The following GHRHR variants were observed in gnomAD, a reference collection of about 807,000 sequenced individuals.
GHRHR encodes growth hormone releasing hormone receptor.
In GHRHR, 40 loss-of-function variants were observed where a neutral mutation model predicts 58.3. That is an observed-to-expected ratio of 0.69 (90% CI 0.53 to 0.89). The LOEUF (loss-of-function observed/expected upper bound fraction) is 0.89, where lower values mean the gene tolerates loss of function less well. Ranked by LOEUF, GHRHR falls within the 40% of genes least tolerant of loss-of-function variation. The pLI is 0.00. For synonymous variants in GHRHR, 249 were observed against 216.6 expected, an observed-to-expected ratio of 1.15 and a Z score of -1.31; for missense variants, 551 against 541.3, an observed-to-expected ratio of 1.02 and a Z score of -0.18.
Position 30,976,437 on chromosome 7 carries a change from C to T in GHRHR, c.983C>T (p.Ser328Phe). 6.2e-7 allele frequency: 1 copy of T among 1,613,596 alleles called. No homozygotes were observed. Among genetic ancestry groups the T allele is most frequent in the Non-Finnish European group, 8.5e-7 (1 of 1,179,686 alleles). ...ATTTGTCTTTCCTGCAGGCGTCTCT[C>T]CAAGTCGACACTTTTCCTGATCCCA... The part of the protein sequence containing the change: ...LHTQSQYWRL[S>F]KSTLFLIPLF... Residue 328 changes from serine to phenylalanine, a missense_variant, in exon 11 of 13, where the codon TCC becomes TTC. Transcript: ENST00000326139.
chr7:30,976,917 C>T (rs566318327), intron 11 of GHRHR, among the ~76,000 whole-genome samples: 22 of 122,668 alleles, frequency 1.8e-4, no homozygotes, highest in Admixed American at 3.2e-4. Flanking sequence ...CCCATCTATA[C>T]ATCCATCCAC....
At chr7:30,977,353 A>T (rs372735433) in intron 12 of GHRHR, 31 bp downstream of exon 12, 2 of 1,603,414 alleles carry the variant, frequency 1.2e-6, no homozygotes, top group African/African-American at 2.7e-5. Context: ...TCCCTCATGG[A>T]GTCCCCCTCC....
At chr7:30,969,675 G>C in intron 3 of GHRHR, 192 bp from the exon 4 acceptor site, 1 of 656,052 alleles carries the variant, frequency 1.5e-6, no homozygotes, top group South Asian at 1.8e-5. Flanking sequence ...TGAAGCCAGA[G>C]AAGGAAGGCC....
At position 30,974,998 on chromosome 7, in the gene GHRHR, C is replaced by T; in HGVS notation, c.840C>T (p.Pro280=). The T allele has an allele frequency of 6.2e-7, 1 of 1,613,316 alleles. No homozygotes were observed. Among genetic ancestry groups the T allele is most frequent in the Non-Finnish European group, 8.5e-7 (1 of 1,179,256 alleles). ...IACWDLDDTS[P]YWWIIKGPIV... is the part of the protein sequence containing the mutation. ...GCTGGGACCTGGACGACACCTCCCC[C>T]TACTGGTGGATCATCAAAGGGCCCA... Residue 280 remains proline (P), a synonymous_variant, in exon 9 of 13, where the codon CCC becomes CCT. Coordinates refer to ENST00000326139, the MANE Select transcript of GHRHR (RefSeq NM_000823.4).
rs1792559326 is a variant in GHRHR, at chr7:30,975,531, G to A, written c.883-246G>A. Among the ~76,000 whole-genome samples, 2 of 152,174 alleles carry A rather than the reference G, an allele frequency of 1.3e-5. 1 individual carries two copies. Among genetic ancestry groups the A allele is most frequent in the South Asian group, 4.1e-4 (2 of 4,832 alleles). On this transcript the variant is annotated intron_variant, in intron 9 of 12. Transcript: ENST00000326139. Reference sequence around the variant, plus strand: ...GGAGGTGGCTGGAGGCAGGTGGCAAGGCCTGATCGCCCCCCTTGATCCCAG... The same window carrying A: ...GGAGGTGGCTGGAGGCAGGTGGCAAAGCCTGATCGCCCCCCTTGATCCCAG...
At position 30,975,841 on chromosome 7, in the gene GHRHR, G is replaced by T. The variant is rs747239719; in HGVS notation, c.947G>T (p.Gly316Val). The change falls in exon 10 of 13, where the codon GGC becomes GTC. Residue 316 changes from glycine (G) to valine (V), a missense_variant. Gly to Val is a moderately radical substitution (Grantham distance 109, BLOSUM62 -3). Coordinates refer to ENST00000326139, the MANE Select transcript of GHRHR (RefSeq NM_000823.4). Reference sequence around the variant, plus strand: ...GTGAGGAAACTGGAGCCAGCTCAGGGCAGCCTCCATACCCAGTCTCAGTAT... The same window carrying T: ...GTGAGGAAACTGGAGCCAGCTCAGGTCAGCCTCCATACCCAGTCTCAGTAT... ...ILVRKLEPAQ[G>V]SLHTQSQYWR... is the part of the protein sequence containing the mutation. The T allele has an allele frequency of 1.1e-5, 17 of 1,608,730 alleles. No individual in the cohort carries two copies. The highest frequency in any genetic ancestry group is 1.4e-5 in the Non-Finnish European group (17 of 1,175,196).
chr7:30,969,296 C>A, intron 3 of GHRHR, 126 bp downstream of exon 3: 3 of 718,256 alleles, frequency 4.2e-6, no homozygotes, highest in South Asian at 1.5e-5. Flanking sequence ...TCTGGGGTGA[C>A]CTCGGGCCAG....
At chr7:30,975,668 G>A (rs1004386507) in intron 9 of GHRHR, 109 bp from the exon 10 acceptor site, 6 of 730,876 alleles carry the variant, frequency 8.2e-6, no homozygotes, top group South Asian at 2.9e-5. Flanking sequence ...ACATTCTCAC[G>A]TCTCAAGGAT....
rs1162518105 is a variant in GHRHR, at chr7:30,975,055, CAG to C, written c.882+16_882+17del. On this transcript the variant is annotated intron_variant, in intron 9 of 12. Coordinates refer to ENST00000326139, the MANE Select transcript of GHRHR (RefSeq NM_000823.4). ...TCTCGGTCGGGGTCAGTCCCTGGGCCAGTGCCCTTTGCTTTATTCAGTCAACT... is the reference window on the plus strand; with the variant it reads ...TCTCGGTCGGGGTCAGTCCCTGGGCCTGCCCTTTGCTTTATTCAGTCAACT... The C allele has an allele frequency of 6.3e-6, 10 of 1,575,542 alleles. No homozygotes were observed. Among genetic ancestry groups the C allele is most frequent in the Non-Finnish European group, 8.7e-6 (10 of 1,144,650 alleles).
chr7:30,972,694 A>T (rs1188088352), intron 6 of GHRHR, among the ~76,000 whole-genome samples: 1 of 152,194 alleles, frequency 6.6e-6, no homozygotes, highest in Admixed American at 6.5e-5. Context: ...GGAAGGCACC[A>T]TGGGAGAGAT....
intron 1 of GHRHR, among the ~76,000 whole-genome samples, chr7:30,965,970 G>A (rs1043279967): frequency 5.9e-5 from 9 of 152,200 alleles, no homozygotes; most frequent in South Asian, 2.1e-4. Flanking sequence ...AGCTGAGTCC[G>A]GGGCACCCAC....
intron 8 of GHRHR, 63 bp downstream of exon 8, chr7:30,974,552 C>A: frequency 1.7e-6 from 2 of 1,143,898 alleles, no homozygotes; most frequent in South Asian, 1.2e-5. Context: ...AGTGGACAGT[C>A]AGGCCATGGG....
At chr7:30,968,976 CT>C (rs1792420348) in intron 2 of GHRHR, 40 bp downstream of exon 2, 3 of 1,562,484 alleles carry the variant, frequency 1.9e-6, no homozygotes, top group Admixed American at 3.3e-5. Flanking sequence ...TCTCTGATTC[CT>C]TTATATCCTC....
intron 1 of GHRHR, among the ~76,000 whole-genome samples, chr7:30,966,724 C>T (rs1178859247): frequency 1.3e-5 from 2 of 152,018 alleles, no homozygotes; most frequent in Non-Finnish European, 2.9e-5. Context: ...CTCACTGTAA[C>T]CTCCGCCTCC....
At chr7:30,975,756 T>A (rs1002951090) in intron 9 of GHRHR, 21 bp from the exon 10 acceptor site, 1 of 1,488,190 alleles carries the variant, frequency 6.7e-7, no homozygotes, top group Non-Finnish European at 9.4e-7. Flanking sequence ...GTCTTCCACC[T>A]TCCTATGCCT....
rs1433043301 is a variant in GHRHR, at chr7:30,968,830, G to C, written c.58-4G>C. 2 of 1,607,406 alleles carry C rather than the reference G, an allele frequency of 1.2e-6. No individual in the cohort carries two copies. Among genetic ancestry groups the C allele is most frequent in the Non-Finnish European group, 1.7e-6 (2 of 1,174,174 alleles). On this transcript the variant is annotated splice_region_variant and splice_polypyrimidine_tract_variant and intron_variant, in intron 1 of 12. Coordinates refer to ENST00000326139, the MANE Select transcript of GHRHR (RefSeq NM_000823.4). ...TGGCTCATCCTGTTCACTGTTTCCA[G>C]CAGGTATTGGGCCACATGCACCCAG... is the stretch of plus-strand genomic sequence containing the variant.
intron 3 of GHRHR, 86 bp downstream of exon 3, chr7:30,969,256 A>C: frequency 1.0e-6 from 1 of 969,138 alleles, no homozygotes; most frequent in Non-Finnish European, 1.6e-6. Context: ...GGGGCAGGCT[A>C]ACCTGGGTTT....
rs1792472623 is a variant in GHRHR at position 30,971,113 on chromosome 7, T to A, written c.367-6T>A. The A allele has an allele frequency of 7.7e-7, 1 of 1,303,318 alleles. No homozygotes were observed. The highest frequency in any genetic ancestry group is 1.1e-6 in the Non-Finnish European group (1 of 919,756). The allele number at this position is 1,303,318 out of a possible 1,614,324, so 80.7% of individuals were successfully genotyped here. The stretch of plus-strand genomic sequence containing the variant: ...TGAGACTTTCTTCTGTCTCTGCCCT[T>A]CCCAGGAATCTTACTTCTCCACAGT... On this transcript the variant is annotated splice_region_variant and splice_polypyrimidine_tract_variant and intron_variant, in intron 4 of 12. Coordinates refer to ENST00000326139, the MANE Select transcript of GHRHR (RefSeq NM_000823.4).
At position 30,974,109 on chromosome 7, in the gene GHRHR, C is replaced by A; in HGVS notation, c.722C>A (p.Ala241Asp). 1 of 1,614,120 alleles carries A rather than the reference C, an allele frequency of 6.2e-7. No individual in the cohort carries two copies. The highest frequency in any genetic ancestry group is 8.5e-7 in the Non-Finnish European group (1 of 1,180,022). Reference sequence around the variant, plus strand: ...TCCACCTCCCCCAGCTCAAGGAGAGCCTTCTGGTGGCTGGTTCTCGCTGGC... The same window carrying A: ...TCCACCTCCCCCAGCTCAAGGAGAGACTTCTGGTGGCTGGTTCTCGCTGGC... ...LASTSPSSRR[A>D]FWWLVLAGWG... The change falls in exon 7 of 13, where the codon GCC (alanine) becomes GAC (aspartate). Residue 241 changes from alanine (A) to aspartate (D), a missense_variant. Ala to Asp is a moderately radical substitution (Grantham distance 126). Coordinates refer to ENST00000326139, the MANE Select transcript of GHRHR (RefSeq NM_000823.4).
Sources: gnomAD v4.1 joint callset for allele counts (sites outside exome capture counted in the v4.1 genomes callset) on GRCh38, gnomAD v4.1.1 for gene constraint, MANE v1.5 for transcripts, NCBI Gene and HGNC (gene_info 2026-07-23, HGNC 2026-07-21) for gene names.